CAMK1D: variants seen among roughly 807,000 people sequenced by gnomAD.
CAMK1D encodes calcium/calmodulin dependent protein kinase ID, also known as calcium/calmodulin-dependent protein kinase type 1D.
CAMK1D carries 9 observed loss-of-function variants against 47.7 expected under a neutral mutation model. That is an observed-to-expected ratio of 0.19 (90% CI 0.11 to 0.33). CAMK1D has a LOEUF of 0.33. Among genes scored for constraint, CAMK1D ranks in the 10% least tolerant of loss-of-function variants. The probability of loss-of-function intolerance (pLI) is 1.00; values close to 1 mark genes in which losing one functional copy is unlikely to be tolerated. For missense variants in CAMK1D, 291 were observed against 488.7 expected, an observed-to-expected ratio of 0.60 and a Z score of 3.81; for synonymous variants, 184 against 184.9, an observed-to-expected ratio of 0.99 and a Z score of 0.04.
chr10:12,725,419 T>A (rs2130796706), intron 3 of CAMK1D: 1 of 155,456 alleles, frequency 6.4e-6, no homozygotes, highest in Middle Eastern at 5.2e-4. Context: ...GTTTTCTTCC[T>A]CAACACTAAA....
chr10:12,729,216 G>A (rs906598262), intron 3 of CAMK1D, among the ~76,000 whole-genome samples: 2 of 152,156 alleles, frequency 1.3e-5, no homozygotes, highest in African/African-American at 4.8e-5. Context: ...GAGTGCCCGT[G>A]GCTGTTCTAG....
rs530251520 is a variant in CAMK1D at position 12,525,271 on chromosome 10, G to C, written c.93-27954G>C. Among the ~76,000 whole-genome samples the C allele has an allele frequency of 2.6e-3, 389 of 152,138 alleles. 4 individuals carry two copies. Among genetic ancestry groups the C allele is most frequent in the Admixed American group, 5.7e-3 (87 of 15,282 alleles). ...CTGTAATCAGTACCTAATGTCTTTCGCCATACATGGGAAGTTTTCAGCCAT... is the reference window on the plus strand; with the variant it reads ...CTGTAATCAGTACCTAATGTCTTTCCCCATACATGGGAAGTTTTCAGCCAT... On this transcript the variant is annotated intron_variant, in intron 1 of 10. Coordinates refer to ENST00000619168, the MANE Select transcript of CAMK1D (RefSeq NM_153498.4).
intron 1 of CAMK1D, among the ~76,000 whole-genome samples, chr10:12,547,589 A>G (rs57288895): frequency 0.021 from 3,146 of 150,886 alleles, 108 homozygotes; most frequent in African/African-American, 0.073. Flanking sequence ...GGAAGTCTTT[A>G]TAGGTTTTCA....
At chr10:12,407,884 C>T (rs1179447751) in intron 1 of CAMK1D, among the ~76,000 whole-genome samples, 1 of 128,810 alleles carries the variant, frequency 7.8e-6, no homozygotes, top group Non-Finnish European at 1.6e-5. Context: ...TTGAGAGAGA[C>T]TCTCACTCTG....
At chr10:12,766,081 T>C (rs548775900) in intron 4 of CAMK1D, among the ~76,000 whole-genome samples, 99 of 148,928 alleles carry the variant, frequency 6.6e-4, no homozygotes, top group African/African-American at 2.3e-3. Context: ...TTCTCCTGCC[T>C]CAGCCTCCCT....
intron 1 of CAMK1D, among the ~76,000 whole-genome samples, chr10:12,539,966 AGTGCAATGGTGATCATAGCTCATT>A (rs999348954): frequency 2.0e-5 from 3 of 152,182 alleles, no homozygotes; most frequent in African/African-American, 7.2e-5. Flanking sequence ...TGTAGGCTGG[AGTGCAATGGTGATCATAGCTCATT>A]GTAACTTTGA....
chr10:12,492,892 G>A (rs1774818483), intron 1 of CAMK1D, among the ~76,000 whole-genome samples: 1 of 152,144 alleles, frequency 6.6e-6, no homozygotes, highest in Non-Finnish European at 1.5e-5. Flanking sequence ...TCTTGGTATA[G>A]GATTGTTCAT....
chr10:12,399,235 G>A (rs1296467557), intron 1 of CAMK1D, among the ~76,000 whole-genome samples: 1 of 152,148 alleles, frequency 6.6e-6, no homozygotes, highest in African/African-American at 2.4e-5. Flanking sequence ...GGCTGGGCGT[G>A]GTGGCTCACA....
chr10:12,476,025 G>T (rs1833891737), intron 1 of CAMK1D, among the ~76,000 whole-genome samples: 1 of 152,050 alleles, frequency 6.6e-6, no homozygotes, highest in Non-Finnish European at 1.5e-5. Context: ...GGGTGGGGTG[G>T]CTCATGCCTG....
intron 3 of CAMK1D, among the ~76,000 whole-genome samples, chr10:12,701,854 A>C (rs893119360): frequency 9.9e-5 from 15 of 152,238 alleles, no homozygotes; most frequent in African/African-American, 3.1e-4. Context: ...GCTGGGGGCC[A>C]GGGGTTCTTC....
chr10:12,832,205 T>C lies in CAMK1D; in HGVS notation c.*3318T>C, dbSNP rs1170852421. On this transcript the variant is annotated 3_prime_UTR_variant, in exon 11 of 11. Coordinates refer to ENST00000619168, the MANE Select transcript of CAMK1D (RefSeq NM_153498.4). ...CCTGGCTTCCCGGATCTTCATCTCATACGTGAGGCAATAGGAGGAGTTTCT... is the reference window on the plus strand; with the variant it reads ...CCTGGCTTCCCGGATCTTCATCTCACACGTGAGGCAATAGGAGGAGTTTCT... The C allele has an allele frequency of 6.6e-6, 1 of 152,516 alleles. No homozygotes were observed. Among genetic ancestry groups the C allele is most frequent in the East Asian group, 1.9e-4 (1 of 5,198 alleles). The allele number at this position is 152,516 out of a possible 1,614,324, so 9.4% of individuals were successfully genotyped here. A position where few individuals can be genotyped will look rare whatever the true frequency, so the allele number is the denominator to read the frequency against.
intron 3 of CAMK1D, among the ~76,000 whole-genome samples, chr10:12,698,085 T>A (rs1377464261): frequency 1.3e-5 from 2 of 152,208 alleles, no homozygotes; most frequent in Admixed American, 6.5e-5. Flanking sequence ...CTAAAAGTAG[T>A]GACATTATAA....
intron 5 of CAMK1D, among the ~76,000 whole-genome samples, chr10:12,782,530 A>G (rs1365377898): frequency 6.6e-6 from 1 of 152,090 alleles, no homozygotes; most frequent in Non-Finnish European, 1.5e-5. Context: ...TTTCTCTCTC[A>G]CTGTTTGAGA....
At chr10:12,571,615 C>A (rs919937294) in intron 2 of CAMK1D, among the ~76,000 whole-genome samples, 1 of 152,022 alleles carries the variant, frequency 6.6e-6, no homozygotes, top group Admixed American at 6.6e-5. Flanking sequence ...CTTCAGAAAC[C>A]CAGGGTAACC....
intron 2 of CAMK1D, among the ~76,000 whole-genome samples, chr10:12,619,183 G>C (rs1838913215): frequency 6.6e-6 from 1 of 152,138 alleles, no homozygotes; most frequent in Non-Finnish European, 1.5e-5. Flanking sequence ...CTAGTAAACT[G>C]TTCCAATTTC....
In CAMK1D at chr10:12,712,722, G is replaced by A. The variant is rs78804569; in HGVS notation, c.299+45912G>A. On this transcript the variant is annotated intron_variant, in intron 3 of 10. Transcript: ENST00000619168. ...CCATCATACTGGGGGTTAGGGTTTC[G>A]TGTGTATTTAGGGGTAGGGGAGACT... Among the ~76,000 whole-genome samples the A allele has an allele frequency of 3.9e-3, 599 of 152,252 alleles. 8 individuals are homozygous for A. The highest frequency in any genetic ancestry group is 0.013 in the African/African-American group (553 of 41,526).
At chr10:12,609,005 T>C (rs1033011585) in intron 2 of CAMK1D, among the ~76,000 whole-genome samples, 6 of 152,246 alleles carry the variant, frequency 3.9e-5, no homozygotes, top group African/African-American at 9.6e-5. Context: ...TTGTCACTAT[T>C]GTTTTGCTTA....
chr10:12,402,186 C>T lies in CAMK1D; in HGVS notation c.92+52276C>T, dbSNP rs559706732. On this transcript the variant is annotated intron_variant, in intron 1 of 10. Coordinates refer to ENST00000619168, the MANE Select transcript of CAMK1D (RefSeq NM_153498.4). ...CGAACTCCTGACCTCAAGTGATCTG[C>T]GTGCCTCGGCTTCCCAAAGTGCTGG... 2.7e-4 allele frequency among the ~76,000 whole-genome samples: 41 copies of T among 152,156 alleles called. 1 individual carries two copies. In the South Asian group the frequency reaches 2.7e-3, roughly 10 times the overall value.
intron 5 of CAMK1D, among the ~76,000 whole-genome samples, chr10:12,790,489 C>A (rs969123585): frequency 6.6e-6 from 1 of 152,240 alleles, no homozygotes; most frequent in Non-Finnish European, 1.5e-5. Context: ...ATGAGTATTT[C>A]TTTTTATGTC....
Sources: allele counts gnomAD v4.1 joint callset (sites outside exome capture counted in the v4.1 genomes callset), GRCh38; gene constraint gnomAD v4.1.1; transcripts MANE v1.5; gene names NCBI Gene and HGNC (gene_info 2026-07-23, HGNC 2026-07-21).